SUMF1: variants seen among roughly 807,000 people sequenced by gnomAD.
SUMF1 encodes formylglycine-generating enzyme.
In SUMF1, 48 loss-of-function variants were observed where a neutral mutation model predicts 47.6. The ratio of observed to expected loss-of-function variants is 1.01; its 90% CI spans 0.80 to 1.28. SUMF1 has a LOEUF of 1.28. Among genes scored for constraint, SUMF1 ranks in the 50% most tolerant of loss-of-function variants. The pLI is 0.00. For synonymous variants in SUMF1, 230 were observed against 192.1 expected (o/e 1.20, Z -1.63); for missense variants, 571 against 485.4 (o/e 1.18, Z -1.66).
chr3:4,146,114 G>A (rs1018385560), intron 8 of SUMF1, among the ~76,000 whole-genome samples: 1 of 152,096 alleles, frequency 6.6e-6, no homozygotes, highest in African/African-American at 2.4e-5. Flanking sequence ...CGCCAGCAAA[G>A]CATTTCACCT....
intron 8 of SUMF1, among the ~76,000 whole-genome samples, chr3:4,092,838 G>C (rs995750695): frequency 6.6e-6 from 1 of 152,058 alleles, no homozygotes; most frequent in East Asian, 1.9e-4. Context: ...ATATGGCCAA[G>C]TGAGTGAATA....
intron 8 of SUMF1, among the ~76,000 whole-genome samples, chr3:4,348,773 G>A (rs1029141559): frequency 1.3e-5 from 2 of 152,132 alleles, no homozygotes; most frequent in Non-Finnish European, 2.9e-5. Flanking sequence ...TACTCGGGAG[G>A]CTGAGGCTGG....
chr3:4,372,465 C>T (rs975801222), intron 8 of SUMF1, among the ~76,000 whole-genome samples: 8 of 151,976 alleles, frequency 5.3e-5, no homozygotes, highest in African/African-American at 1.9e-4. Flanking sequence ...ATGAACATTG[C>T]TTTTGCCTGT....
At chr3:4,286,630 C>A (rs1697638606) in intron 8 of SUMF1, among the ~76,000 whole-genome samples, 1 of 152,048 alleles carries the variant, frequency 6.6e-6, no homozygotes, top group Non-Finnish European at 1.5e-5. Flanking sequence ...AAAATGCAAT[C>A]ATTAATGAGG....
intron 8 of SUMF1, chr3:4,313,155 G>A: frequency 6.2e-7 from 1 of 1,614,098 alleles, no homozygotes; most frequent in South Asian, 1.1e-5. Flanking sequence ...AAGGTCTACA[G>A]TTCCACTTCC....
chr3:4,141,908 C>A (rs1183517271), intron 8 of SUMF1, among the ~76,000 whole-genome samples: 1 of 152,022 alleles, frequency 6.6e-6, no homozygotes, highest in African/African-American at 2.4e-5. Flanking sequence ...CTGGGTGGAG[C>A]CCTAGGAACC....
chr3:4,122,611 C>T (rs2125079319), intron 8 of SUMF1, among the ~76,000 whole-genome samples: 1 of 152,204 alleles, frequency 6.6e-6, no homozygotes, highest in East Asian at 1.9e-4. Context: ...GAAAACTGGA[C>T]ATAGGGATGA....
chr3:4,085,845 T>C (rs1054961018), intron 8 of SUMF1, among the ~76,000 whole-genome samples: 1 of 151,216 alleles, frequency 6.6e-6, no homozygotes, highest in East Asian at 1.9e-4. Flanking sequence ...ACACCTTTCC[T>C]ACAAAAATAG....
At chr3:4,360,287 C>A (rs1699718215), downstream of SUMF1, among the ~76,000 whole-genome samples, 1 of 137,308 alleles carries the variant, frequency 7.3e-6, no homozygotes. Flanking sequence ...ACAAAATGAA[C>A]CACAAATGTG....
chr3:4,114,170 T>G (rs73010753), intron 8 of SUMF1, among the ~76,000 whole-genome samples: 2,140 of 152,214 alleles, frequency 0.014, 30 homozygotes, highest in Non-Finnish European at 0.023. Flanking sequence ...CACTGAACTT[T>G]CTGATCCAGG....
intron 8 of SUMF1, among the ~76,000 whole-genome samples, chr3:4,201,197 G>A (rs1023587405): frequency 2.6e-5 from 4 of 151,528 alleles, no homozygotes; most frequent in African/African-American, 9.7e-5. Context: ...GCTGTCTATA[G>A]TCACCCTATT....
intron 8 of SUMF1, among the ~76,000 whole-genome samples, chr3:4,298,971 T>C (rs1157615343): frequency 6.6e-6 from 1 of 152,222 alleles, no homozygotes; most frequent in Non-Finnish European, 1.5e-5. Context: ...CTATCCATCA[T>C]TCATGATCTC....
Position 4,361,837 on chromosome 3 carries a change from C to T in SUMF1, c.*307G>A, listed in dbSNP as rs1231647722. ...CGGACCTGGGGTCTAACCCCTGTGG[C>T]AGAGCCTGCGTAGGACGCGGGCCTC... is the stretch of plus-strand genomic sequence containing the variant. On this transcript the variant is annotated 3_prime_UTR_variant, in exon 9 of 9. Transcript: ENST00000272902. 7 of 386,698 alleles carry T rather than the reference C, an allele frequency of 1.8e-5. No homozygotes were observed. The highest frequency in any genetic ancestry group is 3.4e-5 in the Non-Finnish European group (7 of 203,768). 24.0% of individuals were successfully genotyped at this position (386,698 alleles called of 1,614,324 possible).
chr3:4,202,423 T>C (rs1055029982), intron 8 of SUMF1, among the ~76,000 whole-genome samples: 7 of 152,012 alleles, frequency 4.6e-5, no homozygotes, highest in African/African-American at 1.4e-4. Context: ...TAGATGTTTA[T>C]GGTTGTATTT....
At chr3:4,332,587 T>C (rs1293223155) in intron 8 of SUMF1, among the ~76,000 whole-genome samples, 1 of 152,142 alleles carries the variant, frequency 6.6e-6, no homozygotes, top group African/African-American at 2.4e-5. Context: ...CCTTACAAAA[T>C]GGGAATTTTC....
intron 8 of SUMF1, among the ~76,000 whole-genome samples, chr3:4,192,897 G>A (rs2125144497): frequency 6.6e-6 from 1 of 152,196 alleles, no homozygotes; most frequent in Admixed American, 6.5e-5. Context: ...GAGGATGATG[G>A]GCCCTGCTTC....
At chr3:4,162,787 C>T (rs911885173) in intron 8 of SUMF1, among the ~76,000 whole-genome samples, 1 of 152,004 alleles carries the variant, frequency 6.6e-6, no homozygotes, top group African/African-American at 2.4e-5. Flanking sequence ...GATCACTCAC[C>T]TGATTTTTTG....
chr3:4,404,819 C>T (rs1248246071), intron 7 of SUMF1, among the ~76,000 whole-genome samples: 2 of 152,018 alleles, frequency 1.3e-5, no homozygotes, highest in Admixed American at 6.6e-5. Context: ...CTTATAGCAG[C>T]GAAAAATTCT....
intron 8 of SUMF1, among the ~76,000 whole-genome samples, chr3:4,347,348 C>T (rs1699395061): frequency 6.6e-6 from 1 of 152,188 alleles, no homozygotes; most frequent in Non-Finnish European, 1.5e-5. Flanking sequence ...ATCAAGTGGG[C>T]TTCATCACTG....
Sources: gnomAD v4.1 joint callset for allele counts (sites outside exome capture counted in the v4.1 genomes callset) on GRCh38, gnomAD v4.1.1 for gene constraint, MANE v1.5 for transcripts, NCBI Gene and HGNC (gene_info 2026-07-23, HGNC 2026-07-21) for gene names.